The following TTC34 variants were observed in gnomAD, a reference collection of about 807,000 sequenced individuals.
The protein encoded by TTC34 is tetratricopeptide repeat protein 34.
In TTC34, 44 loss-of-function variants were observed where a neutral mutation model predicts 40.7. That is an observed-to-expected ratio of 1.08 (90% confidence interval 0.85 to 1.39). TTC34 has a LOEUF of 1.39. Among genes scored for constraint, TTC34 ranks in the 40% most tolerant of loss-of-function variants. The pLI, the probability that TTC34 is intolerant of heterozygous loss-of-function variation, is 0.00. For missense variants in TTC34, 884 were observed against 838.0 expected (o/e 1.05, Z -0.68); for synonymous variants, 422 against 398.6 (o/e 1.06, Z -0.70).
intron 6 of TTC34, among the ~76,000 whole-genome samples, chr1:2,676,963 CT>C (rs1168679642): frequency 7.7e-5 from 9 of 116,718 alleles, no homozygotes; most frequent in South Asian, 2.9e-4. Flanking sequence ...GAACAGCACC[CT>C]GCACCCCCAG....
At chr1:2,779,688 A>G (rs1043280774) in intron 6 of TTC34, among the ~76,000 whole-genome samples, 3 of 151,940 alleles carry the variant, frequency 2.0e-5, no homozygotes, top group Non-Finnish European at 4.4e-5. Flanking sequence ...GCACCATTTT[A>G]CCTTCCCACC....
intron 6 of TTC34, among the ~76,000 whole-genome samples, chr1:2,694,842 G>T (rs1484190501): frequency 1.1e-5 from 1 of 92,058 alleles, no homozygotes; most frequent in South Asian, 3.1e-4. Flanking sequence ...CCCCAGGTGA[G>T]CATCTGATGG....
At chr1:2,790,086 C>G (rs930471595) in exon 3 of TTC34, 3 of 398,078 alleles carry the variant, frequency 7.5e-6, no homozygotes, top group Admixed American at 4.4e-5. Flanking sequence ...GCCAGCAGCT[C>G]GCGGCCCGCA....
chr1:2,641,484 C>T (rs1406847230), exon 9 of TTC34: 5 of 1,535,556 alleles, frequency 3.3e-6, no homozygotes, highest in Non-Finnish European at 4.4e-6. Context: ...CAGGCCTCTG[C>T]GTGACGCTGC....
At chr1:2,786,551 C>T (rs1459992894) in intron 4 of TTC34, among the ~76,000 whole-genome samples, 1 of 152,176 alleles carries the variant, frequency 6.6e-6, no homozygotes, top group Non-Finnish European at 1.5e-5. Flanking sequence ...CTCAGGGTTC[C>T]CGAGCCTAGG....
intron 6 of TTC34, among the ~76,000 whole-genome samples, chr1:2,751,067 G>T (rs1340401404): frequency 1.8e-5 from 2 of 111,108 alleles, no homozygotes; most frequent in Non-Finnish European, 3.5e-5. Flanking sequence ...GCATCTGACA[G>T]ACTGGAACAC....
At chr1:2,683,021 G>A (rs1403140210) in intron 6 of TTC34, among the ~76,000 whole-genome samples, 4 of 150,230 alleles carry the variant, frequency 2.7e-5, no homozygotes, top group Non-Finnish European at 6.0e-5. Context: ...GTCTGGAGCA[G>A]CACCCACACC....
At chr1:2,685,788 A>G (rs1470202164) in intron 6 of TTC34, among the ~76,000 whole-genome samples, 8,846 of 52,240 alleles carry the variant, frequency 0.17, 3 homozygotes, top group Admixed American at 0.21. Flanking sequence ...AGCCTGGAAC[A>G]GAACCCACAC....
intron 6 of TTC34, among the ~76,000 whole-genome samples, chr1:2,752,705 A>G (rs1641363948): frequency 7.4e-6 from 1 of 135,668 alleles, no homozygotes; most frequent in East Asian, 2.4e-4. Flanking sequence ...CCAGATGAGC[A>G]TCTGACAGCA....
In TTC34 at chr1:2,682,229, C is replaced by T. The variant is rs371330655; in HGVS notation, c.2227-36666G>A. ...CGATAACCTGGAGCAGCACCCACAA[C>T]CCCAAGTGAGCATCTGATTGTCTGG... is the stretch of plus-strand genomic sequence containing the variant. On this transcript the variant is annotated intron_variant, in intron 6 of 8. Transcript: ENST00000401095. 2.3e-4 allele frequency among the ~76,000 whole-genome samples: 32 copies of T among 139,386 alleles called. No homozygotes were observed. In the East Asian group the frequency reaches 4.8e-3, roughly 21 times the overall value. 91.4% of individuals were successfully genotyped at this position (139,386 alleles called of 152,430 possible).
rs368241913 is a variant in TTC34, at chr1:2,773,086, C to A, written c.2226+10523G>T. On this transcript the variant is annotated intron_variant, in intron 6 of 8. Transcript: ENST00000401095. ...CAGGTGAGCCTCTGACAGCCTGGAG[C>A]AGCACCCACACCCCCAGGCGAGCAT... Among the ~76,000 whole-genome samples the A allele has an allele frequency of 5.3e-5, 8 of 150,660 alleles. No individual in the cohort carries two copies. The East Asian group carries it at 1.6e-3, about 30-fold the overall frequency.
At chr1:2,757,025 A>T (rs1641529552) in intron 6 of TTC34, among the ~76,000 whole-genome samples, 2 of 150,826 alleles carry the variant, frequency 1.3e-5, no homozygotes, top group African/African-American at 4.9e-5. Context: ...CAGCACGCGC[A>T]CCCCCAGGTG....
chr1:2,638,686 C>G (rs1638837182), exon 9 of TTC34: 1 of 152,322 alleles, frequency 6.6e-6, no homozygotes, highest in African/African-American at 2.4e-5. Flanking sequence ...ACCCAGGCCT[C>G]AGGGACGAGT....
At chr1:2,694,990 C>T (rs372221943) in intron 6 of TTC34, among the ~76,000 whole-genome samples, 6,261 of 148,012 alleles carry the variant, frequency 0.042, 18 homozygotes, top group Non-Finnish European at 0.066. Flanking sequence ...CAGCACCCTG[C>T]ACCCCCAGGT....
In TTC34 at chr1:2,751,569, C is replaced by T. The variant is rs1472201276; in HGVS notation, c.2226+32040G>A. On this transcript the variant is annotated intron_variant, in intron 6 of 8. Transcript: ENST00000401095. ...GACAGCCTGCAACAGCACGCACACC[C>T]CCAGGTGCGCACGTGACAGCCTGCA... Among the ~76,000 whole-genome samples the T allele has an allele frequency of 3.3e-5, 4 of 120,526 alleles. No individual in the cohort carries two copies. The East Asian group carries it at 1.1e-3, about 34-fold the overall frequency. 79.1% of individuals were successfully genotyped at this position (120,526 alleles called of 152,430 possible).
chr1:2,645,560 C>A lies in TTC34; in HGVS notation c.2230G>T (p.Ala744Ser). 1.5e-6 allele frequency: 1 copy of A among 659,782 alleles called. No homozygotes were observed. 40.9% of individuals were successfully genotyped at this position (659,782 alleles called of 1,614,324 possible). ...AGAGCAGAGACGATGTCGTCCACGGCTTCCTGCAAGGAGGGAGGGCGGGCG... is the reference window on the plus strand; with the variant it reads ...AGAGCAGAGACGATGTCGTCCACGGATTCCTGCAAGGAGGGAGGGCGGGCG... The change falls in exon 7 of 9, where the codon GCC becomes TCC. Residue 744 changes from alanine (A) to serine (S), a missense_variant. Ala to Ser is a moderately conservative substitution (Grantham distance 99). Coordinates refer to ENST00000401095, the Ensembl canonical transcript of TTC34. The surrounding 1 kb of genome is among the most constrained non-coding windows in gnomAD (Gnocchi z 4.7).
At chr1:2,756,795 G>A (rs2100448941) in intron 6 of TTC34, among the ~76,000 whole-genome samples, 5 of 151,898 alleles carry the variant, frequency 3.3e-5, no homozygotes, top group African/African-American at 2.4e-5. Context: ...ACCCCCAGGT[G>A]AACATCCGAC....
chr1:2,764,384 C>G (rs1641732726), intron 6 of TTC34, among the ~76,000 whole-genome samples: 2 of 147,064 alleles, frequency 1.4e-5, no homozygotes, highest in Non-Finnish European at 3.0e-5. Flanking sequence ...GCCCACACCC[C>G]CGGGCGAGCA....
intron 6 of TTC34, among the ~76,000 whole-genome samples, chr1:2,675,699 T>C (rs1171510667): frequency 3.9e-5 from 4 of 102,630 alleles, no homozygotes; most frequent in East Asian, 2.8e-4. Context: ...GGTGAGCATG[T>C]GACAGCCTGG....
Sources: allele counts gnomAD v4.1 joint callset (sites outside exome capture counted in the v4.1 genomes callset), GRCh38; gene constraint gnomAD v4.1.1; non-coding constraint Gnocchi (gnomAD v3.1); transcripts MANE v1.5; gene names NCBI Gene and HGNC (gene_info 2026-07-23, HGNC 2026-07-21).